The following CFAP44 variants were observed in gnomAD, a reference collection of about 807,000 sequenced individuals.
The protein encoded by CFAP44 is cilia- and flagella-associated protein 44.
CFAP44 carries 134 observed loss-of-function variants against 216.2 expected under a neutral mutation model. That is an observed-to-expected ratio of 0.62 (90% confidence interval 0.54 to 0.72). CFAP44 has a LOEUF of 0.72. CFAP44 is among the 30% of genes least tolerant of loss of function. The pLI, the probability that CFAP44 is intolerant of heterozygous loss-of-function variation, is 0.00. For synonymous variants in CFAP44, 700 were observed against 727.6 expected (o/e 0.96, Z 0.61); for missense variants, 2,035 against 2,182.1 (o/e 0.93, Z 1.34).
chr3:113,377,345 C>T (rs1030251353), intron 17 of CFAP44, among the ~76,000 whole-genome samples: 1 of 152,148 alleles, frequency 6.6e-6, no homozygotes, highest in East Asian at 1.9e-4. Context: ...AGCTTTGCTA[C>T]CTCTGTTAAC....
chr3:113,309,553 A>G (rs1950019293), intron 28 of CFAP44, among the ~76,000 whole-genome samples: 1 of 152,166 alleles, frequency 6.6e-6, no homozygotes, highest in Non-Finnish European at 1.5e-5. Context: ...TTCTGAACAC[A>G]AAAATACATC....
chr3:113,381,721 G>A (rs998737818), intron 15 of CFAP44, among the ~76,000 whole-genome samples: 3 of 152,146 alleles, frequency 2.0e-5, no homozygotes, highest in African/African-American at 7.2e-5. Flanking sequence ...TATTTGAAAT[G>A]TTTATTCATT....
In CFAP44 at chr3:113,363,523, C is replaced by G. The variant is rs756145439; in HGVS notation, c.2725G>C (p.Glu909Gln). 3 of 1,608,978 alleles carry G rather than the reference C, an allele frequency of 1.9e-6. No homozygotes were observed. The Admixed American group carries it at 5.0e-5, about 27-fold the overall frequency. The change falls in exon 20 of 35, where the codon GAA (glutamate) becomes CAA (glutamine). Residue 909 changes from glutamate to glutamine, a missense_variant. By Grantham distance (29) the Glu-to-Gln change is conservative. This residue lies in a region of CFAP44 where 1,883 missense variants were observed against 2,023.7 expected (regional missense o/e 0.93). Transcript: ENST00000393845. Reference protein sequence around the residue: ...AKVPSPRFGIETEPIPEDIED... With the variant: ...AKVPSPRFGIQTEPIPEDIED... ...ATGTCTTCTGGAATTGGCTCTGTTT[C>G]AATTCCAAACTATAGGAAGGGAAGT...
In CFAP44 at chr3:113,401,225, T is replaced by C; in HGVS notation, c.1374+15A>G. 6.3e-7 allele frequency: 1 copy of C among 1,577,064 alleles called. No homozygotes were observed. The highest frequency in any genetic ancestry group is 2.3e-5 in the East Asian group (1 of 43,448). ...TATGAAAGTTAGGAGAAAATAAGAA[T>C]AATAGGCAACTTACAATATTTGAAA... On this transcript the variant is annotated intron_variant, in intron 11 of 34. Transcript: ENST00000393845.
In CFAP44 at chr3:113,379,369, C is replaced by T. The variant is rs199518927; in HGVS notation, c.2235G>A (p.Pro745=). The T allele has an allele frequency of 4.4e-5, 71 of 1,612,906 alleles. 1 individual carries two copies. The highest frequency in any genetic ancestry group is 2.7e-4 in the East Asian group (12 of 44,836). ...CACAGAGGATGGGAGAGGGGGTTGA[C>T]GGAATAAATATTTCAGGTAATGGCT... ...EEEPLPEIFI[P]STPSPILCGF... The change falls in exon 17 of 35, where the codon CCG becomes CCA. Residue 745 remains proline, a synonymous_variant. Coordinates refer to ENST00000393845, the MANE Select transcript of CFAP44 (RefSeq NM_001164496.2).
At chr3:113,344,482 ATAAGAATT>A (rs1361191278) in intron 23 of CFAP44, 26 bp downstream of exon 23, 15 of 1,510,860 alleles carry the variant, frequency 9.9e-6, no homozygotes, top group Non-Finnish European at 1.3e-5. Flanking sequence ...GTCTTAGTAA[ATAAGAATT>A]TAAAAGCCTT....
intron 7 of CFAP44, among the ~76,000 whole-genome samples, chr3:113,408,539 G>A (rs1443080333): frequency 2.0e-5 from 3 of 152,102 alleles, no homozygotes; most frequent in Non-Finnish European, 2.9e-5. Flanking sequence ...TTAGGAGGTG[G>A]AGCCTATAAG....
intron 22 of CFAP44, among the ~76,000 whole-genome samples, chr3:113,345,462 G>A (rs551197844): frequency 1.3e-5 from 2 of 152,102 alleles, no homozygotes; most frequent in Non-Finnish European, 2.9e-5. Context: ...ACTATAAAAA[G>A]AGCAGACCTT....
intron 3 of CFAP44, chr3:113,426,887 A>G: frequency 3.2e-6 from 1 of 313,410 alleles, no homozygotes; most frequent in Non-Finnish European, 5.7e-6. Context: ...TCCAAGGGGA[A>G]CTCCCAATTA....
At chr3:113,385,997 G>C (rs1263018847) in intron 15 of CFAP44, among the ~76,000 whole-genome samples, 2 of 151,920 alleles carry the variant, frequency 1.3e-5, no homozygotes, top group Non-Finnish European at 2.9e-5. Context: ...TTAGAAGTGG[G>C]ATACTGAAAT....
chr3:113,441,453 C>T lies in CFAP44; in HGVS notation c.-6G>A. On this transcript the variant is annotated splice_region_variant and 5_prime_UTR_variant, in exon 1 of 35. Transcript: ENST00000393845. The stretch of plus-strand genomic sequence containing the variant: ...GCCGGCTGCTGAGGTCCAAACTCAC[C>T]GAAGGTACTGACCGCCGCGGCTCCT... 1 of 985,454 alleles carries T rather than the reference C, an allele frequency of 1.0e-6. No homozygotes were observed. The highest frequency in any genetic ancestry group is 1.2e-6 in the Non-Finnish European group (1 of 830,078). 61.0% of individuals were successfully genotyped at this position (985,454 alleles called of 1,614,324 possible).
chr3:113,313,578 T>C (rs1417903194), intron 28 of CFAP44, among the ~76,000 whole-genome samples: 1 of 152,116 alleles, frequency 6.6e-6, no homozygotes, highest in Admixed American at 6.5e-5. Flanking sequence ...TGTGTCCCCA[T>C]TGAAATCTCA....
At chr3:113,313,866 T>G (rs1476073288) in intron 28 of CFAP44, among the ~76,000 whole-genome samples, 1 of 152,210 alleles carries the variant, frequency 6.6e-6, no homozygotes. Context: ...TTCCCAGTCT[T>G]GAGTATGTCT....
intron 22 of CFAP44, among the ~76,000 whole-genome samples, 157 bp from the exon 23 acceptor site, chr3:113,344,869 G>A (rs1950366284): frequency 6.6e-6 from 1 of 151,990 alleles, no homozygotes; most frequent in African/African-American, 2.4e-5. Context: ...AGGATGTCAT[G>A]AAAGTTGGAT....
At chr3:113,330,845 C>T (rs1437559258) in intron 25 of CFAP44, among the ~76,000 whole-genome samples, 177 bp from the exon 26 acceptor site, 1 of 151,932 alleles carries the variant, frequency 6.6e-6, no homozygotes, top group Non-Finnish European at 1.5e-5. Context: ...GGATTTTTTC[C>T]ATTTAGGCCC....
intron 18 of CFAP44, among the ~76,000 whole-genome samples, chr3:113,368,833 A>G (rs1933048159): frequency 1.3e-5 from 2 of 152,250 alleles, no homozygotes; most frequent in Admixed American, 6.5e-5. Flanking sequence ...AGTGTGCTGT[A>G]TCCAGGAGAC....
Position 113,379,328 on chromosome 3 carries a change from G to A in CFAP44, c.2276C>T (p.Pro759Leu). ...SPILCGFYSE[P>L]GKFWVSLGGY... Reference sequence around the variant, plus strand: ...TACCAAAGAAACCCAGAACTTCCCTGGCTCTGAGTAAAATCCACAGAGGAT... The same window carrying A: ...TACCAAAGAAACCCAGAACTTCCCTAGCTCTGAGTAAAATCCACAGAGGAT... Residue 759 changes from proline to leucine, a missense_variant, in exon 17 of 35, where the codon CCA becomes CTA. By Grantham distance (98) the Pro-to-Leu change is moderately conservative. This residue lies in a region of CFAP44 where 1,883 missense variants were observed against 2,023.7 expected (regional missense o/e 0.93). Transcript: ENST00000393845. 6.3e-7 allele frequency: 1 copy of A among 1,591,704 alleles called. No homozygotes were observed. The highest frequency in any genetic ancestry group is 8.6e-7 in the Non-Finnish European group (1 of 1,165,570).
intron 22 of CFAP44, among the ~76,000 whole-genome samples, chr3:113,350,907 T>G (rs1468947115): frequency 6.6e-6 from 1 of 152,246 alleles, no homozygotes; most frequent in Non-Finnish European, 1.5e-5. Context: ...TAACAGGGGA[T>G]CTAGGTCTTG....
At chr3:113,411,417 T>G (rs377179425) in intron 6 of CFAP44, among the ~76,000 whole-genome samples, 121 of 152,212 alleles carry the variant, frequency 7.9e-4, no homozygotes, top group East Asian at 4.1e-3. Context: ...TTTCCCCATT[T>G]CTTGTTTTTG....
Sources: allele counts gnomAD v4.1 joint callset (sites outside exome capture counted in the v4.1 genomes callset), GRCh38; gene constraint gnomAD v4.1.1; regional missense constraint gnomAD v4.1.1; transcripts MANE v1.5; gene names NCBI Gene and HGNC (gene_info 2026-07-23, HGNC 2026-07-21).